Variants in KRT9 observed in about 807,000 individuals in gnomAD.
The protein encoded by KRT9 is keratin, type I cytoskeletal 9.
A neutral mutation model predicts 51.4 loss-of-function variants in KRT9; 34 were observed. The observed-to-expected ratio is 0.66, with a 90% CI of 0.50 to 0.88. The LOEUF (loss-of-function observed/expected upper bound fraction) is 0.88. KRT9 is among the 40% of genes least tolerant of loss of function. KRT9 has a pLI of 0.00. For synonymous variants in KRT9, 292 were observed against 289.7 expected (o/e 1.01, Z -0.08); for missense variants, 753 against 790.3 (o/e 0.95, Z 0.57).
intron 3 of KRT9, 122 bp downstream of exon 3, chr17:41,569,737 T>C (rs1729711774): frequency 4.0e-6 from 6 of 1,495,042 alleles, no homozygotes; most frequent in South Asian, 3.4e-5. Flanking sequence ...CAAGGAGAAG[T>C]TGAAAGTGTC....
chr17:41,566,671 C>T lies in KRT9; in HGVS notation c.*41-519G>A, dbSNP rs144347236. Among the ~76,000 whole-genome samples the T allele has an allele frequency of 1.4e-4, 21 of 152,342 alleles. No individual in the cohort carries two copies. The South Asian group carries it at 1.5e-3, about 11-fold the overall frequency. On this transcript the variant is annotated intron_variant, in intron 7 of 7. Coordinates refer to ENST00000246662, the MANE Select transcript of KRT9 (RefSeq NM_000226.4). ...TGTACATGGGAAAATGTTCCCTGAT[C>T]TAGAGACCAACTCACCTGTGTGAGC...
intron 2 of KRT9, 52 bp downstream of exon 2, chr17:41,570,086 G>C (rs889836097): frequency 1.2e-6 from 2 of 1,612,382 alleles, no homozygotes; most frequent in South Asian, 1.1e-5. Context: ...AGAGCACTGA[G>C]GTTCAGGGGT....
chr17:41,570,018 G>A lies in KRT9; in HGVS notation c.726-3C>T. The A allele has an allele frequency of 6.2e-7, 1 of 1,614,184 alleles. No homozygotes were observed. ...GCAGGTTTTGCTCCATCTCAAACCTGCAGACCAGCCAGGGTTAGAAAACAA... is the reference window on the plus strand; with the variant it reads ...GCAGGTTTTGCTCCATCTCAAACCTACAGACCAGCCAGGGTTAGAAAACAA... On this transcript the variant is annotated splice_region_variant and splice_polypyrimidine_tract_variant and intron_variant, in intron 2 of 7. Transcript: ENST00000246662.
Position 41,571,769 on chromosome 17 carries a change from C to CCG in KRT9, c.222_223dup (p.Gly75AlafsTer13). The CCG allele has an allele frequency of 6.2e-7, 1 of 1,613,776 alleles. No individual in the cohort carries two copies. The highest frequency in any genetic ancestry group is 8.5e-7 in the Non-Finnish European group (1 of 1,179,858). On this transcript the variant is annotated frameshift_variant, in exon 1 of 8. Coordinates refer to ENST00000246662, the MANE Select transcript of KRT9 (RefSeq NM_000226.4). LOFTEE classifies it high-confidence loss of function. ...GGCACTAAAACCACCCCCAGATCCT[C>CCG]CGCCGTAGCTGTAGCCAAAACTGCC...
intron 3 of KRT9, 28 bp downstream of exon 3, chr17:41,569,831 C>T (rs529671757): frequency 9.9e-6 from 16 of 1,613,622 alleles, no homozygotes; most frequent in South Asian, 9.9e-5. Flanking sequence ...TCCCTCTTCC[C>T]GGTAAGCCAT....
rs1202467207 is a variant in KRT9 at position 41,568,230 on chromosome 17, GCTGAGCA to G, written c.1319_1325del (p.Leu440ProfsTer?). On this transcript the variant is annotated frameshift_variant, in exon 6 of 8. Transcript: ENST00000246662. LOFTEE classifies it high-confidence loss of function. The stretch of plus-strand genomic sequence containing the variant: ...TTTCCTTCTCCAGCCGCATCTTAAT[GCTGAGCA>G]GAAGGCTGTATTCCTGATTCTGGCA... 1.2e-6 allele frequency: 2 copies of G among 1,614,034 alleles called. No homozygotes were observed.
rs760129345 is a variant in KRT9 at position 41,571,942 on chromosome 17, ACCCCCGCCG to A, written c.42_50del (p.Gly19_Gly21del). On this transcript the variant is annotated inframe_deletion, in exon 1 of 8. Transcript: ENST00000246662. The stretch of plus-strand genomic sequence containing the variant: ...CCCCGCTGCCCAGGCCGCCCCCGCC[ACCCCCGCCG>A]CTGCGGCTCAAGTAGGACGAGGAGA... 3 of 1,557,552 alleles carry A rather than the reference ACCCCCGCCG, an allele frequency of 1.9e-6. No homozygotes were observed. Among genetic ancestry groups the A allele is most frequent in the Admixed American group, 3.8e-5 (2 of 53,028 alleles).
Position 41,571,592 on chromosome 17 carries a change from A to G in KRT9, c.401T>C (p.Phe134Ser), listed in dbSNP as rs1261963234. Residue 134 changes from phenylalanine (F) to serine (S), a missense_variant, in exon 1 of 8, where the codon TTT becomes TCT. Physicochemically the swap from Phe to Ser is radical, Grantham distance 155 (BLOSUM62 -2). This residue lies in a region of KRT9 where 241 missense variants were observed against 210.3 expected (regional missense o/e 1.15). Coordinates refer to ENST00000246662, the MANE Select transcript of KRT9 (RefSeq NM_000226.4). Reference sequence around the variant, plus strand: ...TCCAGCACCACCTCCAAAGCCCCCAAACCCCCCAAACCCACTCCCATAGCC... The same window carrying G: ...TCCAGCACCACCTCCAAAGCCCCCAGACCCCCCAAACCCACTCCCATAGCC... ...GGGYGSGFGG[F>S]GGFGGGAGGG... 1 of 1,598,588 alleles carries G rather than the reference A, an allele frequency of 6.3e-7. No homozygotes were observed. Among genetic ancestry groups the G allele is most frequent in the Non-Finnish European group, 8.5e-7 (1 of 1,169,732 alleles).
Position 41,567,603 on chromosome 17 carries a change from T to G in KRT9, c.1542A>C (p.Gly514=). Reference sequence around the variant, plus strand: ...CTCCACCGTAGCTGCCTCCACTTCCTCCCCTGGACCCACTTCCTCCACCAT... The same window carrying G: ...CTCCACCGTAGCTGCCTCCACTTCCGCCCCTGGACCCACTTCCTCCACCAT... ...GGYGGGSGSR[G]GSGGSYGGGS... Residue 514 remains glycine (G), a synonymous_variant, in exon 7 of 8, where the codon GGA becomes GGC. Transcript: ENST00000246662. 2 of 1,563,408 alleles carry G rather than the reference T, an allele frequency of 1.3e-6. No individual in the cohort carries two copies. Among genetic ancestry groups the G allele is most frequent in the Non-Finnish European group, 1.7e-6 (2 of 1,154,756 alleles).
chr17:41,569,485 C>A lies in KRT9; in HGVS notation c.985G>T (p.Glu329Ter), dbSNP rs368400948. The part of the protein sequence containing the change: ...LTKTLNDMRQ[E>*]YEQLIAKNRK... Reference sequence around the variant, plus strand: ...TTCTTAGCAATGAGCTGCTCATACTCCTGACGCATGTCATTGAGGGTCTTG... The same window carrying A: ...TTCTTAGCAATGAGCTGCTCATACTACTGACGCATGTCATTGAGGGTCTTG... Residue 329 changes from glutamate (E) to a stop codon, truncating the protein, a stop_gained, in exon 4 of 8, where the codon GAG becomes TAG. Coordinates refer to ENST00000246662, the MANE Select transcript of KRT9 (RefSeq NM_000226.4). LOFTEE classifies it high-confidence loss of function. 19 of 1,614,054 alleles carry A rather than the reference C, an allele frequency of 1.2e-5. No individual in the cohort carries two copies. The highest frequency in any genetic ancestry group is 1.5e-5 in the Non-Finnish European group (18 of 1,180,022).
intron 7 of KRT9, 46 bp downstream of exon 7, chr17:41,567,186 AG>A: frequency 1.3e-6 from 2 of 1,573,902 alleles, no homozygotes; most frequent in South Asian, 1.2e-5. Context: ...AAAAAAAAAA[AG>A]GTGAGACCTT....
chr17:41,567,445 C>A lies in KRT9; in HGVS notation c.1700G>T (p.Gly567Val). 1 of 1,556,404 alleles carries A rather than the reference C, an allele frequency of 6.4e-7. No individual in the cohort carries two copies. The highest frequency in any genetic ancestry group is 8.7e-7 in the Non-Finnish European group (1 of 1,149,458). ...NYGGGSGSGG[G>V]SGGGYGGGSG... ...TCCTCCACCATAGCCACCCCCACTT[C>A]CTCCTCCAGAGCCACTTCCTCCTCC... The change falls in exon 7 of 8, where the codon GGA becomes GTA. Residue 567 changes from glycine to valine, a missense_variant. This residue lies in a region of KRT9 where 507 missense variants were observed against 563.7 expected (regional missense o/e 0.90). Coordinates refer to ENST00000246662, the MANE Select transcript of KRT9 (RefSeq NM_000226.4).
chr17:41,566,371 C>A (rs893716474), intron 7 of KRT9, among the ~76,000 whole-genome samples: 1 of 152,154 alleles, frequency 6.6e-6, no homozygotes, highest in African/African-American at 2.4e-5. Flanking sequence ...GATGCACCCC[C>A]AAGTCTGAGG....
In KRT9 at chr17:41,568,296, C is replaced by T. The variant is rs748745075; in HGVS notation, c.1260G>A (p.Glu420=). The change falls in exon 6 of 8, where the codon GAG becomes GAA. Residue 420 remains glutamate, a synonymous_variant. Coordinates refer to ENST00000246662, the MANE Select transcript of KRT9 (RefSeq NM_000226.4). ...CTTGCCGGACGTCAGTGATCTGGGC[C>T]TCCAAGTTACTGATCTGCTCCTGGA... ...QMIQEQISNL[E]AQITDVRQEI... is the part of the protein sequence containing the mutation. 5.0e-6 allele frequency: 8 copies of T among 1,614,046 alleles called. No homozygotes were observed. Among genetic ancestry groups the T allele is most frequent in the African/African-American group, 1.3e-5 (1 of 74,890 alleles).
In KRT9 at chr17:41,571,712, G is replaced by A; in HGVS notation, c.281C>T (p.Ser94Phe). 1 of 1,609,820 alleles carries A rather than the reference G, an allele frequency of 6.2e-7. No homozygotes were observed. Among genetic ancestry groups the A allele is most frequent in the Non-Finnish European group, 8.5e-7 (1 of 1,178,340 alleles). Residue 94 changes from serine to phenylalanine, a missense_variant, in exon 1 of 8, where the codon TCC (serine) becomes TTC (phenylalanine). Ser to Phe is a radical substitution (Grantham distance 155). Transcript: ENST00000246662. ...SSLGGGFGGG[S>F]RGFGGASGGG... Reference sequence around the variant, plus strand: ...TCCAGAAGCACCACCAAAACCTCTGGAACCACCCCCAAAGCCACCGCCTAA... The same window carrying A: ...TCCAGAAGCACCACCAAAACCTCTGAAACCACCCCCAAAGCCACCGCCTAA...
At chr17:41,570,984 A>T (rs1242048320) in intron 1 of KRT9, among the ~76,000 whole-genome samples, 1 of 152,220 alleles carries the variant, frequency 6.6e-6, no homozygotes, top group Non-Finnish European at 1.5e-5. Context: ...ATACCTTAAA[A>T]GATCAAGATA....
At chr17:41,570,095 G>A (rs780805855) in intron 2 of KRT9, 43 bp downstream of exon 2, 3 of 1,612,044 alleles carry the variant, frequency 1.9e-6, no homozygotes, top group Non-Finnish European at 2.5e-6. Flanking sequence ...AGGTTCAGGG[G>A]TAAGGGCTGA....
chr17:41,571,121 C>T (rs1321292142), intron 1 of KRT9, among the ~76,000 whole-genome samples: 3 of 152,164 alleles, frequency 2.0e-5, no homozygotes, highest in Admixed American at 6.5e-5. Context: ...TCTGCTCTGC[C>T]CAAACTCTGA....
intron 1 of KRT9, among the ~76,000 whole-genome samples, chr17:41,570,824 T>G (rs1907057090): frequency 6.6e-6 from 1 of 152,066 alleles, no homozygotes; most frequent in Non-Finnish European, 1.5e-5. Context: ...CTCACTGAAC[T>G]GAGTGGCTGA....
Sources: allele counts gnomAD v4.1 joint callset (sites outside exome capture counted in the v4.1 genomes callset), GRCh38; gene constraint gnomAD v4.1.1; regional missense constraint gnomAD v4.1.1; transcripts MANE v1.5; gene names NCBI Gene and HGNC (gene_info 2026-07-23, HGNC 2026-07-21).